PRH1: variants seen among roughly 807,000 people sequenced by gnomAD.
PRH1 encodes the protein salivary acidic proline-rich phosphoprotein 1/2.
A neutral mutation model predicts 7.9 loss-of-function variants in PRH1; 7 were observed. That is an observed-to-expected ratio of 0.89 (90% CI 0.50 to 1.67). The LOEUF (loss-of-function observed/expected upper bound fraction) is 1.67, where lower values mean the gene tolerates loss of function less well. Among genes scored for constraint, PRH1 ranks in the 40% most tolerant of loss-of-function variants. The probability of loss-of-function intolerance (pLI) is 0.00; values close to 1 mark genes in which losing one functional copy is unlikely to be tolerated. For synonymous variants in PRH1, 45 were observed against 80.8 expected (o/e 0.56, Z 2.38); for missense variants, 109 against 223.6 (o/e 0.49, Z 3.27).
chr12:10,897,414 C>A (rs1348691835), intron 2 of PRH1, among the ~76,000 whole-genome samples: 1 of 152,142 alleles, frequency 6.6e-6, no homozygotes, highest in African/African-American at 2.4e-5. Flanking sequence ...TTGTTCATAA[C>A]TTTCTGGCTA....
At chr12:10,938,096 C>T (rs1319176707) in intron 2 of PRH1, 1 of 571,840 alleles carries the variant, frequency 1.7e-6, no homozygotes, top group East Asian at 2.9e-5. Context: ...AATATACATA[C>T]TTTCATATAT....
intron 2 of PRH1, among the ~76,000 whole-genome samples, chr12:10,949,898 G>A (rs1023748154): frequency 8.6e-5 from 13 of 151,568 alleles, no homozygotes; most frequent in Non-Finnish European, 1.2e-4. Flanking sequence ...TATATGTTTC[G>A]TTTTAGAGTT....
intron 1 of PRH1, among the ~76,000 whole-genome samples, chr12:10,984,599 TG>T (rs1939513900): frequency 6.6e-6 from 1 of 152,132 alleles, no homozygotes; most frequent in Admixed American, 6.5e-5. Context: ...TCTGCTTTTA[TG>T]GTGCTTACAT....
At chr12:11,107,239 T>A (rs1592027077) in intron 1 of PRH1, among the ~76,000 whole-genome samples, 2 of 152,196 alleles carry the variant, frequency 1.3e-5, no homozygotes, top group Non-Finnish European at 2.9e-5. Context: ...TGTTCTCAAG[T>A]GGTCCCCTCA....
At chr12:10,988,734 C>G (rs1939776895) in intron 1 of PRH1, among the ~76,000 whole-genome samples, 1 of 152,144 alleles carries the variant, frequency 6.6e-6, no homozygotes, top group Non-Finnish European at 1.5e-5. Context: ...CTCCATGCCA[C>G]TCTCCAAGCC....
intron 1 of PRH1, among the ~76,000 whole-genome samples, chr12:11,016,835 T>C (rs565450006): frequency 9.8e-5 from 15 of 152,318 alleles, no homozygotes; most frequent in Middle Eastern, 3.4e-3. Context: ...AGGGGAAGCC[T>C]GTGAAATTCT....
intron 1 of PRH1, among the ~76,000 whole-genome samples, chr12:11,147,176 G>C (rs915941889): frequency 6.6e-6 from 1 of 152,088 alleles, no homozygotes; most frequent in Non-Finnish European, 1.5e-5. Flanking sequence ...GTTTATCTAT[G>C]AACATGATAC....
At chr12:10,934,570 G>A (rs1249126671) in intron 2 of PRH1, among the ~76,000 whole-genome samples, 1 of 151,960 alleles carries the variant, frequency 6.6e-6, no homozygotes, top group African/African-American at 2.4e-5. Context: ...TCTATCACAT[G>A]TACCTGTTAT....
At chr12:11,030,065 C>A (rs76701361) in intron 1 of PRH1, among the ~76,000 whole-genome samples, 2 of 37,090 alleles carry the variant, frequency 5.4e-5, no homozygotes, top group African/African-American at 9.8e-5. Context: ...AAATAGACAT[C>A]ATAAATTCTA....
chr12:11,022,487 G>A, intron 1 of PRH1: 1 of 1,613,568 alleles, frequency 6.2e-7, no homozygotes, highest in Non-Finnish European at 8.5e-7. Flanking sequence ...ACATTTACTA[G>A]GGCTATGAAG....
chr12:10,952,012 G>C (rs985979787), intron 2 of PRH1, among the ~76,000 whole-genome samples: 1 of 152,120 alleles, frequency 6.6e-6, no homozygotes, highest in African/African-American at 2.4e-5. Flanking sequence ...ACAGCCTTAG[G>C]ATAGCTATCT....
At chr12:10,945,842 A>G (rs1950478625) in intron 2 of PRH1, among the ~76,000 whole-genome samples, 1 of 152,186 alleles carries the variant, frequency 6.6e-6, no homozygotes. Context: ...TCAGGGACAC[A>G]TTCTCTTTCT....
chr12:10,939,166 A>C, intron 2 of PRH1: 3 of 1,598,184 alleles, frequency 1.9e-6, no homozygotes, highest in Non-Finnish European at 1.7e-6. Context: ...TAAATTCCAC[A>C]ATTAAAACGA....
chr12:11,037,218 A>G (rs1942468273), intron 1 of PRH1, among the ~76,000 whole-genome samples: 1 of 152,208 alleles, frequency 6.6e-6, no homozygotes, highest in African/African-American at 2.4e-5. Context: ...TTTATCTTTT[A>G]ATAGCATCAT....
intron 1 of PRH1, among the ~76,000 whole-genome samples, chr12:11,124,482 G>T (rs558023680): frequency 6.6e-6 from 1 of 152,322 alleles, no homozygotes; most frequent in African/African-American, 2.4e-5. Flanking sequence ...TTTTTATAGT[G>T]TTCCTTGGAT....
At position 11,075,068 on chromosome 12, in the gene PRH1, A is replaced by T. The variant is rs1378615765; in HGVS notation, n.124-27880T>A. Among the ~76,000 whole-genome samples, 2 of 138,040 alleles carry T rather than the reference A, an allele frequency of 1.4e-5. 1 individual carries two copies. The highest frequency in any genetic ancestry group is 5.2e-5 in the African/African-American group (2 of 38,606). 90.6% of individuals were successfully genotyped at this position (138,040 alleles called of 152,430 possible). On this transcript the variant is annotated intron_variant and non_coding_transcript_variant, in intron 1 of 4. Coordinates refer to the PRH1 transcript ENST00000541977. Reference sequence around the variant, plus strand: ...ACCCTGGACTTGCCTTCCCAAATAAATGTCATCACTGTAAACTCAGACACT... The same window carrying T: ...ACCCTGGACTTGCCTTCCCAAATAATTGTCATCACTGTAAACTCAGACACT...
intron 1 of PRH1, among the ~76,000 whole-genome samples, chr12:11,123,157 T>G (rs760889011): frequency 6.6e-6 from 1 of 151,736 alleles, no homozygotes. Flanking sequence ...TGGTTGCATG[T>G]ACATGTGATT....
chr12:10,945,855 G>C (rs1284373350), intron 2 of PRH1, among the ~76,000 whole-genome samples: 1 of 152,140 alleles, frequency 6.6e-6, no homozygotes, highest in African/African-American at 2.4e-5. Context: ...CTCTTTCTCA[G>C]GGATGTTCCT....
chr12:11,052,742 G>A (rs1437727055), intron 1 of PRH1, among the ~76,000 whole-genome samples: 1 of 138,400 alleles, frequency 7.2e-6, no homozygotes, highest in Non-Finnish European at 1.6e-5. Context: ...ATCTCTTCTC[G>A]TGCTCTAACT....
Sources: allele counts gnomAD v4.1 joint callset (sites outside exome capture counted in the v4.1 genomes callset), GRCh38; gene constraint gnomAD v4.1.1; transcripts MANE v1.5; gene names NCBI Gene and HGNC (gene_info 2026-07-23, HGNC 2026-07-21).